GLIS3: variants seen among roughly 807,000 people sequenced by gnomAD.
GLIS3 encodes GLIS family zinc finger 3, also known as zinc finger protein GLIS3.
GLIS3 carries 53 observed loss-of-function variants against 78.6 expected under a neutral mutation model. The ratio of observed to expected loss-of-function variants is 0.67; its 90% CI spans 0.54 to 0.85. The LOEUF (loss-of-function observed/expected upper bound fraction) is 0.85. Ranked by LOEUF, GLIS3 falls within the 40% of genes least tolerant of loss-of-function variation. GLIS3 has a pLI of 0.00. For missense variants in GLIS3, 1,703 were observed against 1,231.1 expected, an observed-to-expected ratio of 1.38 and a Z score of -5.74; for synonymous variants, 684 against 509.9, an observed-to-expected ratio of 1.34 and a Z score of -4.60.
the GLIS3 span, among the ~76,000 whole-genome samples, chr9:4,437,420 GTATCTATCTATCTATC>G: frequency 1.2e-3 from 149 of 127,038 alleles, no homozygotes; most frequent in African/African-American, 2.5e-3. Context: ...ATGTATGTAT[GTATCTATCTATCTATC>G]TATCTATCTA....
At chr9:4,267,134 C>G (rs1381159397) in intron 2 of GLIS3, among the ~76,000 whole-genome samples, 2 of 152,064 alleles carry the variant, frequency 1.3e-5, no homozygotes, top group Non-Finnish European at 2.9e-5. Flanking sequence ...CCTGCAGACA[C>G]CCACCCCCAC....
At chr9:4,143,323 T>C (rs1295063293) in intron 2 of GLIS3, among the ~76,000 whole-genome samples, 3 of 151,974 alleles carry the variant, frequency 2.0e-5, no homozygotes, top group African/African-American at 7.3e-5. Context: ...TCCCAGCACT[T>C]TGGGAGGCTG....
chr9:4,182,240 G>C (rs1817394953), intron 2 of GLIS3, among the ~76,000 whole-genome samples: 1 of 152,188 alleles, frequency 6.6e-6, no homozygotes. Context: ...TAACTGAGCA[G>C]TAGTGTGTAA....
intron 2 of GLIS3, among the ~76,000 whole-genome samples, chr9:4,332,538 G>C (rs890054738): frequency 1.3e-5 from 2 of 152,200 alleles, no homozygotes; most frequent in African/African-American, 4.8e-5. Context: ...GACAGCTGTA[G>C]TAGCCTTGCA....
At chr9:4,249,893 T>C (rs556650048) in intron 2 of GLIS3, among the ~76,000 whole-genome samples, 8 of 152,348 alleles carry the variant, frequency 5.3e-5, no homozygotes, top group Admixed American at 1.3e-4. Flanking sequence ...GTTTTTGTCA[T>C]AGGTTCTGTT....
chr9:3,954,739 C>T, intron 4 of GLIS3, among the ~76,000 whole-genome samples: 1 of 152,278 alleles, frequency 6.6e-6, no homozygotes, highest in East Asian at 1.9e-4. Context: ...AGCTCTGTAT[C>T]TTATGGAGAA....
intron 8 of GLIS3, among the ~76,000 whole-genome samples, chr9:3,867,517 C>G (rs1016052220): frequency 1.3e-5 from 2 of 152,166 alleles, no homozygotes; most frequent in Non-Finnish European, 1.5e-5. Context: ...GCCATTCTAC[C>G]CTGGAATAAA....
chr9:4,179,736 C>A (rs1007124830), intron 2 of GLIS3, among the ~76,000 whole-genome samples: 3 of 151,992 alleles, frequency 2.0e-5, no homozygotes, highest in African/African-American at 4.8e-5. Context: ...GTGGTGAAAC[C>A]CCGTCTCTAC....
intron 4 of GLIS3, among the ~76,000 whole-genome samples, chr9:4,024,355 A>G (rs757470969): frequency 6.6e-6 from 1 of 152,246 alleles, no homozygotes; most frequent in Non-Finnish European, 1.5e-5. Flanking sequence ...AATGAAGGTC[A>G]TGATAATGAC....
At chr9:4,375,235 T>A in the GLIS3 span, among the ~76,000 whole-genome samples, 1 of 152,184 alleles carries the variant, frequency 6.6e-6, no homozygotes, top group Non-Finnish European at 1.5e-5. Flanking sequence ...CAATCAAGTC[T>A]AATGAACTCC....
At chr9:3,929,246 A>T (rs969076865) in intron 6 of GLIS3, among the ~76,000 whole-genome samples, 5 of 152,170 alleles carry the variant, frequency 3.3e-5, no homozygotes, top group Admixed American at 3.3e-4. Context: ...ACATCGGCTG[A>T]TGGGATGTGT....
At chr9:4,134,609 G>A (rs558928882) in intron 2 of GLIS3, among the ~76,000 whole-genome samples, 2 of 152,150 alleles carry the variant, frequency 1.3e-5, no homozygotes, top group African/African-American at 4.8e-5. Flanking sequence ...AAGAGTAGTT[G>A]TAATTTTTGT....
the GLIS3 span, among the ~76,000 whole-genome samples, chr9:4,372,658 G>A: frequency 2.0e-5 from 3 of 152,066 alleles, no homozygotes; most frequent in East Asian, 1.9e-4. Context: ...CTTAGGGACC[G>A]ATGACCAAAC....
intron 2 of GLIS3, among the ~76,000 whole-genome samples, chr9:4,265,462 T>A (rs1483238787): frequency 6.8e-6 from 1 of 146,622 alleles, no homozygotes; most frequent in Non-Finnish European, 1.5e-5. Context: ...GGATTCAATC[T>A]CACATCCGTC....
the GLIS3 span, among the ~76,000 whole-genome samples, chr9:4,442,406 C>G: frequency 7.2e-5 from 11 of 152,150 alleles, no homozygotes; most frequent in East Asian, 2.1e-3. Context: ...TCTGGCTTCT[C>G]TTCCCTCCCC....
At chr9:4,456,015 G>A in the GLIS3 span, among the ~76,000 whole-genome samples, 2 of 152,148 alleles carry the variant, frequency 1.3e-5, no homozygotes, top group African/African-American at 4.8e-5. Flanking sequence ...GGCTGAGGCA[G>A]GAGAATGGCT....
upstream of GLIS3, among the ~76,000 whole-genome samples, chr9:4,353,294 C>T (rs1817997982): frequency 6.6e-6 from 1 of 152,112 alleles, no homozygotes; most frequent in African/African-American, 2.4e-5. Context: ...CTCAAAGACT[C>T]CACTGTCTTT....
At chr9:4,237,972 T>G (rs565939139) in intron 2 of GLIS3, among the ~76,000 whole-genome samples, 1 of 152,210 alleles carries the variant, frequency 6.6e-6, no homozygotes, top group Non-Finnish European at 1.5e-5. Flanking sequence ...TATTCTCCCT[T>G]TGAGCAGGGA....
chr9:4,149,446 T>C (rs1293004534), intron 2 of GLIS3, among the ~76,000 whole-genome samples: 1 of 152,150 alleles, frequency 6.6e-6, no homozygotes, highest in Non-Finnish European at 1.5e-5. Flanking sequence ...ACTGGACAAA[T>C]ACTCCTAGAT....
Sources: allele counts gnomAD v4.1 joint callset (sites outside exome capture counted in the v4.1 genomes callset), GRCh38; gene constraint gnomAD v4.1.1; transcripts MANE v1.5; gene names NCBI Gene and HGNC (gene_info 2026-07-23, HGNC 2026-07-21).